LINC00237: variants seen among roughly 807,000 people sequenced by gnomAD.
LINC00237 encodes the protein long intergenic non-protein coding RNA 237.
chr20:21,085,974 G>A (rs564056600), intron 3 of LINC00237, among the ~76,000 whole-genome samples: 26 of 152,310 alleles, frequency 1.7e-4, no homozygotes, highest in Non-Finnish European at 3.4e-4. Context: ...AAGACCCACA[G>A]GGGTGACGTG....
chr20:21,090,595 C>T (rs1183780316), intron 2 of LINC00237: 1 of 152,186 alleles, frequency 6.6e-6, no homozygotes, highest in Non-Finnish European at 1.5e-5. Context: ...ACTTCATTAG[C>T]ATGCAGGGCC....
chr20:21,089,070 AGTGAGGAGTAG>A (rs2030753878), intron 2 of LINC00237, among the ~76,000 whole-genome samples: 1 of 151,846 alleles, frequency 6.6e-6, no homozygotes, highest in African/African-American at 2.4e-5. Flanking sequence ...ACATTGTCAC[AGTGAGGAGTAG>A]GTGTGCCCGT....
exon 2 of LINC00237, chr20:21,093,577 G>C (rs768197903): frequency 5.3e-5 from 8 of 152,236 alleles, no homozygotes; most frequent in South Asian, 4.1e-4. Context: ...AGGCTTGAGG[G>C]ATATCCATGT....
intron 1 of LINC00237, among the ~76,000 whole-genome samples, chr20:21,099,091 A>G (rs966584303): frequency 6.6e-6 from 1 of 152,170 alleles, no homozygotes; most frequent in Non-Finnish European, 1.5e-5. Flanking sequence ...GTTTGGGCCA[A>G]CTCAGTGCTT....
intron 3 of LINC00237, among the ~76,000 whole-genome samples, chr20:21,087,260 T>C (rs960543263): frequency 2.6e-5 from 4 of 152,022 alleles, no homozygotes; most frequent in Non-Finnish European, 4.4e-5. Flanking sequence ...GCATTTTTCT[T>C]TTCCTTCTTT....
chr20:21,101,745 T>C lies in LINC00237; in HGVS notation n.88+4526A>G, dbSNP rs1181663356. On this transcript the variant is annotated intron_variant and non_coding_transcript_variant, in intron 1 of 3. Coordinates refer to ENST00000691244, the Ensembl canonical transcript of LINC00237. The surrounding 1 kb of genome is among the most constrained non-coding windows in gnomAD (Gnocchi z 4.3). ...CCTGGAAAAGCTGTCACGATTGGGCTTGGGCTTGGGCTTGGCCTTGGTCAA... is the reference window on the plus strand; with the variant it reads ...CCTGGAAAAGCTGTCACGATTGGGCCTGGGCTTGGGCTTGGCCTTGGTCAA... Among the ~76,000 whole-genome samples, 2 of 152,250 alleles carry C rather than the reference T, an allele frequency of 1.3e-5. No individual in the cohort carries two copies. Among genetic ancestry groups the C allele is most frequent in the Non-Finnish European group, 2.9e-5 (2 of 68,046 alleles).
intron 1 of LINC00237, among the ~76,000 whole-genome samples, chr20:21,094,802 C>G (rs764130768): frequency 1.3e-5 from 2 of 152,178 alleles, no homozygotes; most frequent in African/African-American, 4.8e-5. Context: ...GTATTCCCAG[C>G]ACTTTGGGAG....
intron 2 of LINC00237, among the ~76,000 whole-genome samples, chr20:21,089,307 C>G (rs1436612774): frequency 6.6e-6 from 1 of 151,854 alleles, no homozygotes; most frequent in African/African-American, 2.4e-5. Flanking sequence ...GACAATAACA[C>G]CCTTCGGTTT....
chr20:21,096,679 C>G (rs1171633386), intron 1 of LINC00237, among the ~76,000 whole-genome samples: 2 of 152,172 alleles, frequency 1.3e-5, no homozygotes, highest in Non-Finnish European at 2.9e-5. Flanking sequence ...TCCAGCCAGA[C>G]TGCAACAGGG....
intron 1 of LINC00237, among the ~76,000 whole-genome samples, chr20:21,099,777 C>T (rs1199605710): frequency 2.0e-5 from 3 of 152,168 alleles, no homozygotes; most frequent in Admixed American, 6.5e-5. Flanking sequence ...GTGCTTGAGG[C>T]TCTCAGAGGA....
At chr20:21,089,974 ATCAG>A (rs1188972951) in intron 2 of LINC00237, 6 of 152,356 alleles carry the variant, frequency 3.9e-5, no homozygotes, top group African/African-American at 1.2e-4. Context: ...TACAAAAATA[ATCAG>A]TCAAAGTGCA....
Position 21,087,094 on chromosome 20 carries a change from A to T in LINC00237, n.559+850T>A, listed in dbSNP as rs2030722496. ...ACCCACACCCACACACTATATATGT[A>T]GAGAGAGAGACAGAAACAGAGATAG... is the stretch of plus-strand genomic sequence containing the variant. On this transcript the variant is annotated intron_variant and non_coding_transcript_variant, in intron 3 of 3. Transcript: ENST00000691244. Among the ~76,000 whole-genome samples, 9 of 149,666 alleles carry T rather than the reference A, an allele frequency of 6.0e-5. No homozygotes were observed. The South Asian group carries it at 1.9e-3, about 31-fold the overall frequency.
chr20:21,086,055 G>A (rs2030688014), intron 3 of LINC00237, among the ~76,000 whole-genome samples: 1 of 152,208 alleles, frequency 6.6e-6, no homozygotes, highest in Admixed American at 6.5e-5. Flanking sequence ...GGAAACATCA[G>A]TCTCGTAAAG....
rs187418798 is a variant in LINC00237, at chr20:21,091,513, C to G, written n.472+1956G>C. The stretch of plus-strand genomic sequence containing the variant: ...TTCTTACTGACGCCACTCTGCAATG[C>G]AAATGTGACTTCCATTTCCCTCCAA... On this transcript the variant is annotated intron_variant and non_coding_transcript_variant, in intron 2 of 3. Coordinates refer to ENST00000691244, the Ensembl canonical transcript of LINC00237. 4.1e-3 allele frequency among the ~76,000 whole-genome samples: 623 copies of G among 152,188 alleles called. 5 individuals carry two copies. The highest frequency in any genetic ancestry group is 6.8e-3 in the Non-Finnish European group (459 of 67,996).
intron 2 of LINC00237, among the ~76,000 whole-genome samples, chr20:21,088,629 T>G (rs918285023): frequency 6.6e-6 from 1 of 152,016 alleles, no homozygotes; most frequent in African/African-American, 2.4e-5. Flanking sequence ...CTTTCTTTAT[T>G]GATAGTATCT....
At chr20:21,092,420 A>T (rs1185105433) in intron 2 of LINC00237, among the ~76,000 whole-genome samples, 1 of 152,230 alleles carries the variant, frequency 6.6e-6, no homozygotes, top group African/African-American at 2.4e-5. Context: ...CAAATTTACA[A>T]GAAATTGTAA....
chr20:21,096,408 G>A (rs1168122317), intron 1 of LINC00237, among the ~76,000 whole-genome samples: 7 of 152,152 alleles, frequency 4.6e-5, no homozygotes, highest in Non-Finnish European at 1.0e-4. Flanking sequence ...TGACAATTAC[G>A]CACATCACTT....
At chr20:21,100,457 G>A (rs1181643692) in intron 1 of LINC00237, among the ~76,000 whole-genome samples, 1 of 152,248 alleles carries the variant, frequency 6.6e-6, no homozygotes, top group Non-Finnish European at 1.5e-5. Flanking sequence ...GCATCGCTAG[G>A]GGCCCGGCGT....
intron 3 of LINC00237, among the ~76,000 whole-genome samples, chr20:21,086,960 G>GTA (rs968254728): frequency 7.4e-6 from 1 of 134,278 alleles, no homozygotes; most frequent in Non-Finnish European, 1.6e-5. Context: ...ATGTACTATA[G>GTA]TATATATATA....
Sources: gnomAD v4.1 joint callset for allele counts (sites outside exome capture counted in the v4.1 genomes callset) on GRCh38, gnomAD v4.1.1 for gene constraint, Gnocchi (gnomAD v3.1) non-coding constraint, MANE v1.5 for transcripts, NCBI Gene and HGNC (gene_info 2026-07-23, HGNC 2026-07-21) for gene names.